Variants in GALNT14 observed in about 807,000 individuals in gnomAD.
GALNT14 encodes the protein polypeptide N-acetylgalactosaminyltransferase 14.
In GALNT14, 60 loss-of-function variants were observed where a neutral mutation model predicts 77.5. That is an observed-to-expected ratio of 0.77 (90% CI 0.63 to 0.96). The LOEUF (loss-of-function observed/expected upper bound fraction) is 0.96. GALNT14 is among the 40% of genes least tolerant of loss of function. The probability of loss-of-function intolerance (pLI) is 0.00; values close to 1 mark genes in which losing one functional copy is unlikely to be tolerated. For synonymous variants in GALNT14, 280 were observed against 281.7 expected, an observed-to-expected ratio of 0.99 and a Z score of 0.06; for missense variants, 710 against 731.0, an observed-to-expected ratio of 0.97 and a Z score of 0.33.
At chr2:30,910,134 G>A (rs1220812378), downstream of GALNT14, among the ~76,000 whole-genome samples, 1 of 151,450 alleles carries the variant, frequency 6.6e-6, no homozygotes. Flanking sequence ...TGGGTGCAGT[G>A]CACCAGCATG....
intron 2 of GALNT14, among the ~76,000 whole-genome samples, chr2:30,978,540 A>G (rs1188331873): frequency 3.9e-5 from 6 of 152,154 alleles, no homozygotes; most frequent in African/African-American, 1.4e-4. Flanking sequence ...GTGTTTGCCA[A>G]TTGTGGCGCT....
At chr2:31,088,810 G>A (rs1457335736) in intron 1 of GALNT14, among the ~76,000 whole-genome samples, 1 of 152,184 alleles carries the variant, frequency 6.6e-6, no homozygotes, top group East Asian at 1.9e-4. Context: ...TGAAAGGGAT[G>A]AGACAGCTTT....
chr2:30,905,173 C>G, the GALNT14 span, among the ~76,000 whole-genome samples: 4 of 152,086 alleles, frequency 2.6e-5, no homozygotes, highest in Non-Finnish European at 5.9e-5. Flanking sequence ...TCCAAAGGAA[C>G]GCAGTTCCTC....
At chr2:31,126,914 C>A (rs1477882266) in intron 1 of GALNT14, 1 of 152,156 alleles carries the variant, frequency 6.6e-6, no homozygotes, top group East Asian at 1.9e-4. Flanking sequence ...CAAACCAAGA[C>A]CTTTTCCAAA....
intron 1 of GALNT14, among the ~76,000 whole-genome samples, chr2:31,008,522 G>A (rs1255402320): frequency 6.6e-6 from 1 of 152,108 alleles, no homozygotes; most frequent in Non-Finnish European, 1.5e-5. Context: ...TCACTAAATG[G>A]CTCCCCCCAG....
chr2:31,059,929 G>C (rs952960150), intron 1 of GALNT14, among the ~76,000 whole-genome samples: 3 of 152,152 alleles, frequency 2.0e-5, no homozygotes, highest in African/African-American at 7.2e-5. Context: ...AGTCCAAGCA[G>C]ACTAAAACAA....
At chr2:30,949,346 T>C (rs746695230) in intron 6 of GALNT14, among the ~76,000 whole-genome samples, 1 of 152,166 alleles carries the variant, frequency 6.6e-6, no homozygotes, top group Non-Finnish European at 1.5e-5. Context: ...CTGAATAAGA[T>C]GGCTTCTCCT....
chr2:31,086,550 C>A (rs1676440652), intron 1 of GALNT14, among the ~76,000 whole-genome samples: 9 of 151,304 alleles, frequency 5.9e-5, no homozygotes, highest in Admixed American at 5.3e-4. Flanking sequence ...GTTTTTCAGC[C>A]TTTCAGTGTG....
the GALNT14 span, among the ~76,000 whole-genome samples, chr2:30,901,072 C>A: frequency 6.6e-6 from 1 of 152,166 alleles, no homozygotes; most frequent in African/African-American, 2.4e-5. Flanking sequence ...TGGAAACAAC[C>A]AACAGAGAAA....
chr2:31,059,915 T>C (rs1018601974), intron 1 of GALNT14, among the ~76,000 whole-genome samples: 16 of 152,300 alleles, frequency 1.1e-4, no homozygotes, highest in Admixed American at 2.0e-4. Flanking sequence ...CATTTTGTTA[T>C]AGCAGTCCAA....
intron 3 of GALNT14, among the ~76,000 whole-genome samples, chr2:30,960,862 C>T (rs1228157493): frequency 6.6e-6 from 1 of 152,238 alleles, no homozygotes; most frequent in Non-Finnish European, 1.5e-5. Flanking sequence ...CTCAGCCTCA[C>T]CCCCACTCCA....
intron 1 of GALNT14, among the ~76,000 whole-genome samples, chr2:30,996,130 C>T (rs538155557): frequency 3.9e-5 from 6 of 152,312 alleles, no homozygotes; most frequent in South Asian, 2.1e-4. Flanking sequence ...GAAACACCCT[C>T]GTAGACACAC....
At chr2:31,128,671 C>T (rs998120304) in intron 1 of GALNT14, among the ~76,000 whole-genome samples, 1 of 151,226 alleles carries the variant, frequency 6.6e-6, no homozygotes, top group African/African-American at 2.5e-5. Flanking sequence ...AGCGTGGGCT[C>T]CTGGCTAGGC....
chr2:31,052,427 G>A (rs558645498), intron 1 of GALNT14, among the ~76,000 whole-genome samples: 16 of 152,332 alleles, frequency 1.1e-4, no homozygotes, highest in African/African-American at 3.4e-4. Flanking sequence ...AACAGAGTGA[G>A]AAGCTGGGCA....
At chr2:30,978,529 C>T (rs542350142) in intron 2 of GALNT14, among the ~76,000 whole-genome samples, 4 of 152,218 alleles carry the variant, frequency 2.6e-5, no homozygotes, top group East Asian at 3.9e-4. Context: ...ATGATCAATA[C>T]GTGTTTGCCA....
At chr2:31,035,618 TAC>T (rs530565205) in intron 1 of GALNT14, among the ~76,000 whole-genome samples, 7,270 of 50,952 alleles carry the variant, frequency 0.14, 250 homozygotes, top group African/African-American at 0.25. Context: ...CACACACACC[TAC>T]ACACACACAC....
chr2:31,057,105 A>T (rs1278946048), intron 1 of GALNT14, among the ~76,000 whole-genome samples: 1 of 151,952 alleles, frequency 6.6e-6, no homozygotes, highest in African/African-American at 2.4e-5. Flanking sequence ...AAAGACAGCA[A>T]CAATAGACAC....
rs147516785 is a variant in GALNT14, at chr2:31,094,843, A to G, written c.129+43115T>C. Among the ~76,000 whole-genome samples, 281 of 152,274 alleles carry G rather than the reference A, an allele frequency of 1.8e-3. 2 individuals carry two copies. The highest frequency in any genetic ancestry group is 5.8e-3 in the African/African-American group (242 of 41,550). The stretch of plus-strand genomic sequence containing the variant: ...GAGCTCTGGACCCATTGCTGCCCCA[A>G]TGATATTGGGATCCAGGCAAGTCAT... On this transcript the variant is annotated intron_variant, in intron 1 of 14. Transcript: ENST00000349752.
At chr2:31,065,714 T>C (rs1371164873) in intron 1 of GALNT14, among the ~76,000 whole-genome samples, 5 of 152,134 alleles carry the variant, frequency 3.3e-5, no homozygotes, top group Non-Finnish European at 5.9e-5. Context: ...ATGGAAGGCA[T>C]CACATTCAAA....
Sources: allele counts gnomAD v4.1 joint callset (sites outside exome capture counted in the v4.1 genomes callset), GRCh38; gene constraint gnomAD v4.1.1; transcripts MANE v1.5; gene names NCBI Gene and HGNC (gene_info 2026-07-23, HGNC 2026-07-21).